The following TDRD15 variants were observed in gnomAD, a reference collection of about 807,000 sequenced individuals.
TDRD15 encodes tudor domain-containing protein 15.
For synonymous variants in TDRD15, 503 were observed against 314.5 expected (o/e 1.60, Z -6.34); for missense variants, 1,416 against 904.7 (o/e 1.57, Z -7.25).
At chr2:21,135,032 A>G (rs1665782304) in intron 3 of TDRD15, among the ~76,000 whole-genome samples, 185 bp downstream of exon 3, 1 of 145,490 alleles carries the variant, frequency 6.9e-6, no homozygotes, top group Non-Finnish European at 1.5e-5. Context: ...GTATAATTAT[A>G]TTTATACACA....
intron 1 of TDRD15, among the ~76,000 whole-genome samples, chr2:21,124,506 A>G (rs1387147369): frequency 7.4e-6 from 1 of 135,924 alleles, no homozygotes; most frequent in East Asian, 2.2e-4. Flanking sequence ...TGACAGAGTG[A>G]TCCTAATGCC....
At chr2:21,124,262 A>G (rs1332998283) in intron 1 of TDRD15, among the ~76,000 whole-genome samples, 1 of 152,174 alleles carries the variant, frequency 6.6e-6, no homozygotes, top group Non-Finnish European at 1.5e-5. Flanking sequence ...CGGGAGCAGC[A>G]GCCCTTCCTC....
At chr2:21,146,077 A>G (rs1666025108), downstream of TDRD15, among the ~76,000 whole-genome samples, 1 of 152,026 alleles carries the variant, frequency 6.6e-6, no homozygotes, top group African/African-American at 2.4e-5. Context: ...GCTAAGGTTG[A>G]TAATCACTAC....
At chr2:21,147,105 A>C (rs1261264876), downstream of TDRD15, among the ~76,000 whole-genome samples, 1 of 152,144 alleles carries the variant, frequency 6.6e-6, no homozygotes, top group African/African-American at 2.4e-5. Context: ...ACTAACTGTT[A>C]GAAATATAAT....
At position 21,143,176 on chromosome 2, in the gene TDRD15, A is replaced by C. The variant is rs991734863; in HGVS notation, c.5709A>C (p.Ala1903=). ...VDVIHEKNNL[A]DILVASGLAT... ...TCATTCATGAGAAAAACAATTTGGC[A>C]GATATATTAGTTGCATCTGGTCTCG... The change falls in exon 4 of 4, where the codon GCA becomes GCC. Residue 1903 remains alanine, a synonymous_variant. Coordinates refer to ENST00000405799, the MANE Select transcript of TDRD15 (RefSeq NM_001306137.2). 8 of 705,822 alleles carry C rather than the reference A, an allele frequency of 1.1e-5. No individual in the cohort carries two copies. Among genetic ancestry groups the C allele is most frequent in the Non-Finnish European group, 2.1e-5 (8 of 381,210 alleles). 43.7% of individuals were successfully genotyped at this position (705,822 alleles called of 1,614,324 possible). A position where few individuals can be genotyped will look rare whatever the true frequency, so the allele number is the denominator to read the frequency against.
rs539335488 is a variant in TDRD15, at chr2:21,140,459, A to G, written c.2992A>G (p.Ile998Val). Reference protein sequence around the residue: ...NKDLEMIETKITESVNLQNFP... With the variant: ...NKDLEMIETKVTESVNLQNFP... ...AGATCTAGAGATGATAGAAACAAAAATCACAGAGAGTGTTAACCTCCAAAA... is the reference window on the plus strand; with the variant it reads ...AGATCTAGAGATGATAGAAACAAAAGTCACAGAGAGTGTTAACCTCCAAAA... Residue 998 changes from isoleucine to valine, a missense_variant, in exon 4 of 4, where the codon ATC becomes GTC. Physicochemically the swap from Ile to Val is conservative, Grantham distance 29. Coordinates refer to ENST00000405799, the MANE Select transcript of TDRD15 (RefSeq NM_001306137.2). The G allele has an allele frequency of 2.3e-4, 162 of 698,702 alleles. 1 individual carries two copies. The highest frequency in any genetic ancestry group is 2.3e-3 in the South Asian group (143 of 63,436). 43.3% of individuals were successfully genotyped at this position (698,702 alleles called of 1,614,324 possible). A position where few individuals can be genotyped will look rare whatever the true frequency, so the allele number is the denominator to read the frequency against.
intron 2 of TDRD15, among the ~76,000 whole-genome samples, chr2:21,132,337 A>G (rs1317703375): frequency 1.3e-5 from 2 of 151,874 alleles, no homozygotes; most frequent in East Asian, 1.9e-4. Context: ...CTCTTAGCAT[A>G]TTGTATCTTA....
chr2:21,127,217 T>A (rs894691791), intron 1 of TDRD15, among the ~76,000 whole-genome samples: 4 of 152,188 alleles, frequency 2.6e-5, no homozygotes, highest in Non-Finnish European at 5.9e-5. Context: ...AGACAGGTTC[T>A]AGGCTATATG....
intron 2 of TDRD15, among the ~76,000 whole-genome samples, chr2:21,134,035 G>T (rs1235708667): frequency 6.6e-6 from 1 of 151,712 alleles, no homozygotes; most frequent in African/African-American, 2.4e-5. Context: ...TTATATATAT[G>T]GCTCAATTGT....
intron 2 of TDRD15, among the ~76,000 whole-genome samples, chr2:21,131,524 C>T (rs1377340159): frequency 6.6e-6 from 1 of 152,180 alleles, no homozygotes; most frequent in East Asian, 1.9e-4. Context: ...TTAACGTTCT[C>T]CTTCCTTCTC....
rs1405208866 is a variant in TDRD15 at position 21,143,007 on chromosome 2, C to T, written c.5540C>T (p.Pro1847Leu). 1 of 699,948 alleles carries T rather than the reference C, an allele frequency of 1.4e-6. No homozygotes were observed. Among genetic ancestry groups the T allele is most frequent in the Non-Finnish European group, 2.6e-6 (1 of 379,612 alleles). 43.4% of individuals were successfully genotyped at this position (699,948 alleles called of 1,614,324 possible). A position where few individuals can be genotyped will look rare whatever the true frequency, so the allele number is the denominator to read the frequency against. Reference sequence around the variant, plus strand: ...TTGAATTTGCCAAGGCTGAGTTATCCATGTATTTTATATGGTATCTTACCT... The same window carrying T: ...TTGAATTTGCCAAGGCTGAGTTATCTATGTATTTTATATGGTATCTTACCT... ...ELLNLPRLSY[P>L]CILYGILPAK... Residue 1847 changes from proline (P) to leucine (L), a missense_variant, in exon 4 of 4, where the codon CCA becomes CTA. Coordinates refer to ENST00000405799, the MANE Select transcript of TDRD15 (RefSeq NM_001306137.2).
chr2:21,138,330 C>A lies in TDRD15; in HGVS notation c.863C>A (p.Thr288Lys). The change falls in exon 4 of 4, where the codon ACG becomes AAG. Residue 288 changes from threonine to lysine, a missense_variant. Thr to Lys is a moderately conservative substitution (Grantham distance 78, BLOSUM62 -1). Transcript: ENST00000405799. ...YDTVCQETSP[T>K]CDNFGLLCVA... Reference sequence around the variant, plus strand: ...ACCGTCTGTCAAGAAACTAGTCCCACGTGTGATAATTTTGGACTGCTTTGT... The same window carrying A: ...ACCGTCTGTCAAGAAACTAGTCCCAAGTGTGATAATTTTGGACTGCTTTGT... 1.4e-6 allele frequency: 1 copy of A among 716,540 alleles called. No individual in the cohort carries two copies. The highest frequency in any genetic ancestry group is 2.6e-6 in the Non-Finnish European group (1 of 384,454). The allele number at this position is 716,540 out of a possible 1,614,324, so 44.4% of individuals were successfully genotyped here. A position where few individuals can be genotyped will look rare whatever the true frequency, so the allele number is the denominator to read the frequency against.
intron 2 of TDRD15, among the ~76,000 whole-genome samples, chr2:21,133,223 G>C (rs1186708843): frequency 6.6e-6 from 1 of 152,156 alleles, no homozygotes; most frequent in Non-Finnish European, 1.5e-5. Flanking sequence ...GAAAACCAAA[G>C]CACAGATGCT....
At position 21,141,406 on chromosome 2, in the gene TDRD15, G is replaced by C; in HGVS notation, c.3939G>C (p.Gln1313His). 1 of 713,316 alleles carries C rather than the reference G, an allele frequency of 1.4e-6. No homozygotes were observed. The highest frequency in any genetic ancestry group is 1.5e-5 in the South Asian group (1 of 66,852). 44.2% of individuals were successfully genotyped at this position (713,316 alleles called of 1,614,324 possible). A position where few individuals can be genotyped will look rare whatever the true frequency, so the allele number is the denominator to read the frequency against. ...GTAATCCAGCGAATTTCCATATTCA[G>C]CTTGCTGAGAATGAAAGTGTAATTA... ...NISNPANFHI[Q>H]LAENESVIIR... The change falls in exon 4 of 4, where the codon CAG becomes CAC. Residue 1313 changes from glutamine to histidine, a missense_variant. Physicochemically the swap from Gln to His is conservative, Grantham distance 24. Transcript: ENST00000405799.
rs1181559910 is a variant in TDRD15 at position 21,138,524 on chromosome 2, C to T, written c.1057C>T (p.Pro353Ser). 2 of 715,776 alleles carry T rather than the reference C, an allele frequency of 2.8e-6. No homozygotes were observed. The highest frequency in any genetic ancestry group is 3.5e-5 in the African/African-American group (2 of 57,136). The allele number at this position is 715,776 out of a possible 1,614,324, so 44.3% of individuals were successfully genotyped here. Residue 353 changes from proline (P) to serine (S), a missense_variant, in exon 4 of 4, where the codon CCA (proline) becomes TCA (serine). Physicochemically the swap from Pro to Ser is moderately conservative, Grantham distance 74. Transcript: ENST00000405799. Reference sequence around the variant, plus strand: ...TATTTTAGTACCATTATTTTCATTTCCATGTTCTCTGACATGTTTGCACAG... The same window carrying T: ...TATTTTAGTACCATTATTTTCATTTTCATGTTCTCTGACATGTTTGCACAG... Reference protein sequence around the residue: ...DFILVPLFSFPCSLTCLHSPD... With the variant: ...DFILVPLFSFSCSLTCLHSPD...
At chr2:21,127,521 A>C (rs751573446) in intron 1 of TDRD15, 80 bp from the exon 2 acceptor site, 1 of 152,176 alleles carries the variant, frequency 6.6e-6, no homozygotes, top group African/African-American at 2.4e-5. Flanking sequence ...GCGTATGGCT[A>C]TCCAGCTGTT....
Position 21,141,868 on chromosome 2 carries a change from G to T in TDRD15, c.4401G>T (p.Leu1467=). 2 of 715,372 alleles carry T rather than the reference G, an allele frequency of 2.8e-6. No homozygotes were observed. Among genetic ancestry groups the T allele is most frequent in the Non-Finnish European group, 5.2e-6 (2 of 383,684 alleles). The allele number at this position is 715,372 out of a possible 1,614,324, so 44.3% of individuals were successfully genotyped here. A position where few individuals can be genotyped will look rare whatever the true frequency, so the allele number is the denominator to read the frequency against. The change falls in exon 4 of 4, where the codon CTG becomes CTT. Residue 1467 remains leucine, a synonymous_variant. Transcript: ENST00000405799. ...CDEKCVINEL[L]KWKACSKLQK... ...AAAAATGTGTCATTAATGAACTACT[G>T]AAATGGAAAGCATGTTCAAAACTGC... is the stretch of plus-strand genomic sequence containing the variant.
rs1184294866 is a variant in TDRD15, at chr2:21,143,656, A to T, written c.*384A>T. Among the ~76,000 whole-genome samples, 2 of 150,984 alleles carry T rather than the reference A, an allele frequency of 1.3e-5. No individual in the cohort carries two copies. Among genetic ancestry groups the T allele is most frequent in the South Asian group, 4.2e-4 (2 of 4,798 alleles). ...AGCAGTAAAAACATTGCATGATAAT[A>T]AAAAAAAACACAGAACACTTAAAAG... On this transcript the variant is annotated 3_prime_UTR_variant, in exon 4 of 4. Coordinates refer to ENST00000405799, the MANE Select transcript of TDRD15 (RefSeq NM_001306137.2).
In TDRD15 at chr2:21,143,181, T is replaced by A. The variant is rs747751381; in HGVS notation, c.5714T>A (p.Ile1905Lys). Residue 1905 changes from isoleucine (I) to lysine (K), a missense_variant, in exon 4 of 4, where the codon ATA becomes AAA. Coordinates refer to ENST00000405799, the MANE Select transcript of TDRD15 (RefSeq NM_001306137.2). The part of the protein sequence containing the change: ...VIHEKNNLAD[I>K]LVASGLATYS... ...CATGAGAAAAACAATTTGGCAGATATATTAGTTGCATCTGGTCTCGCAACT... is the reference window on the plus strand; with the variant it reads ...CATGAGAAAAACAATTTGGCAGATAAATTAGTTGCATCTGGTCTCGCAACT... 1 of 703,952 alleles carries A rather than the reference T, an allele frequency of 1.4e-6. No homozygotes were observed. Among genetic ancestry groups the A allele is most frequent in the Admixed American group, 2.1e-5 (1 of 46,554 alleles). The allele number at this position is 703,952 out of a possible 1,614,324, so 43.6% of individuals were successfully genotyped here.
Sources: gnomAD v4.1 joint callset for allele counts (sites outside exome capture counted in the v4.1 genomes callset) on GRCh38, gnomAD v4.1.1 for gene constraint, MANE v1.5 for transcripts, NCBI Gene and HGNC (gene_info 2026-07-23, HGNC 2026-07-21) for gene names.